Variants in DUSP11 observed in about 807,000 individuals in gnomAD.
The protein encoded by DUSP11 is dual specificity phosphatase 11.
In DUSP11, 27 loss-of-function variants were observed where a neutral mutation model predicts 41.4. The observed-to-expected ratio is 0.65, with a 90% CI of 0.48 to 0.90. DUSP11 has a LOEUF of 0.90. DUSP11 is among the 40% of genes least tolerant of loss of function. DUSP11 has a pLI of 0.00. For synonymous variants in DUSP11, 188 were observed against 159.3 expected, an observed-to-expected ratio of 1.18 and a Z score of -1.35; for missense variants, 465 against 461.1, an observed-to-expected ratio of 1.01 and a Z score of -0.08.
chr2:73,769,546 A>G (rs1388978791), intron 4 of DUSP11, among the ~76,000 whole-genome samples: 1 of 152,218 alleles, frequency 6.6e-6, no homozygotes, highest in Non-Finnish European at 1.5e-5. Flanking sequence ...TCAGACACTA[A>G]CAGCTAAAAC....
At chr2:73,770,646 C>A (rs192637566) in intron 4 of DUSP11, among the ~76,000 whole-genome samples, 4 of 152,248 alleles carry the variant, frequency 2.6e-5, no homozygotes, top group Admixed American at 2.0e-4. Context: ...AAAACATAAG[C>A]CTGGCTGGGT....
intron 4 of DUSP11, among the ~76,000 whole-genome samples, chr2:73,770,656 T>C (rs72814129): frequency 0.062 from 9,400 of 152,278 alleles, 393 homozygotes; most frequent in Middle Eastern, 0.16. Flanking sequence ...CCTGGCTGGG[T>C]TGTTTTTGCT....
intron 4 of DUSP11, among the ~76,000 whole-genome samples, chr2:73,770,710 G>A (rs1367117171): frequency 1.3e-5 from 2 of 152,076 alleles, no homozygotes; most frequent in Admixed American, 1.3e-4. Flanking sequence ...AATTTAGCAT[G>A]GCATTTAGAA....
intron 5 of DUSP11, 110 bp downstream of exon 5, chr2:73,769,155 C>T: frequency 1.2e-6 from 1 of 858,166 alleles, no homozygotes; most frequent in South Asian, 1.7e-5. Context: ...GCAAGACTGC[C>T]TTCTACTTCA....
chr2:73,780,052 A>G (rs770537593), exon 1 of DUSP11: 16 of 1,611,674 alleles, frequency 9.9e-6, no homozygotes, highest in Admixed American at 1.7e-5. Context: ...CCAGGATAAG[A>G]CCCTAAACAG....
At chr2:73,776,413 C>CAAAAAAAA (rs70965758) in intron 2 of DUSP11, among the ~76,000 whole-genome samples, 1 of 99,430 alleles carries the variant, frequency 1.0e-5, no homozygotes, top group Non-Finnish European at 1.9e-5. Flanking sequence ...GACACCATCT[C>CAAAAAAAA]AAAAAAAAAA....
intron 8 of DUSP11, among the ~76,000 whole-genome samples, chr2:73,763,841 A>G (rs927439683): frequency 6.6e-6 from 1 of 152,214 alleles, no homozygotes; most frequent in Non-Finnish European, 1.5e-5. Flanking sequence ...TCTTTTCCCC[A>G]GCATCTTTTT....
intron 4 of DUSP11, among the ~76,000 whole-genome samples, chr2:73,771,297 C>T (rs1672568322): frequency 6.6e-6 from 1 of 152,176 alleles, no homozygotes; most frequent in South Asian, 2.1e-4. Context: ...CTTCTAGTCA[C>T]ACAAGAGGCT....
rs201994650 is a variant in DUSP11 at position 73,767,156 on chromosome 2, C to G, written c.682+5G>C. Reference sequence around the variant, plus strand: ...GGGAAAAATAGTGTCAACCCTCATACTTACATTCAATTGCATCATCTGGCC... The same window carrying G: ...GGGAAAAATAGTGTCAACCCTCATAGTTACATTCAATTGCATCATCTGGCC... On this transcript the variant is annotated splice_donor_5th_base_variant and intron_variant, in intron 6 of 8. Coordinates refer to ENST00000272444, the Ensembl canonical transcript of DUSP11. The G allele has an allele frequency of 1.2e-6, 2 of 1,608,912 alleles. No individual in the cohort carries two copies. Among genetic ancestry groups the G allele is most frequent in the Non-Finnish European group, 1.7e-6 (2 of 1,175,832 alleles).
intron 5 of DUSP11, chr2:73,768,961 A>AT: frequency 5.3e-6 from 1 of 188,862 alleles, no homozygotes; most frequent in East Asian, 1.3e-4. Flanking sequence ...GTCTCAATAA[A>AT]AAAAAAAAAA....
At position 73,780,064 on chromosome 2, in the gene DUSP11, A is replaced by T. The variant is rs775999377; in HGVS notation, c.52T>A (p.Ser18Thr). The change falls in exon 1 of 9, where the codon TCC becomes ACC. Residue 18 changes from serine (S) to threonine (T), a missense_variant. Coordinates refer to ENST00000272444, the Ensembl canonical transcript of DUSP11. ...ATGCCAGGATAAGACCCTAAACAGG[A>T]AAAGACTCGGCAGCCACCTACGCCG... 9.3e-6 allele frequency: 15 copies of T among 1,605,708 alleles called. No individual in the cohort carries two copies. Among genetic ancestry groups the T allele is most frequent in the Non-Finnish European group, 1.1e-5 (13 of 1,175,782 alleles).
chr2:73,763,354 C>T (rs1672396197), intron 8 of DUSP11, among the ~76,000 whole-genome samples: 1 of 152,170 alleles, frequency 6.6e-6, no homozygotes, highest in South Asian at 2.1e-4. Flanking sequence ...ATGGTATATG[C>T]AACAAATTTG....
chr2:73,780,069 A>T, exon 1 of DUSP11: 4 of 1,600,492 alleles, frequency 2.5e-6, no homozygotes, highest in Non-Finnish European at 3.4e-6. Flanking sequence ...ACAGGAAAAG[A>T]CTCGGCAGCC....
intron 4 of DUSP11, among the ~76,000 whole-genome samples, chr2:73,770,756 C>T (rs931906875): frequency 6.6e-6 from 1 of 152,068 alleles, no homozygotes; most frequent in Non-Finnish European, 1.5e-5. Flanking sequence ...TCTTTCCAAC[C>T]GATCTAAGTC....
chr2:73,772,703 C>G (rs1454779769), intron 4 of DUSP11, among the ~76,000 whole-genome samples: 2 of 152,198 alleles, frequency 1.3e-5, no homozygotes, highest in African/African-American at 4.8e-5. Flanking sequence ...CCAAACCTCT[C>G]AAGTTTTAAA....
At position 73,769,329 on chromosome 2, in the gene DUSP11, T is replaced by C. The variant is rs1197514583; in HGVS notation, c.575-4A>G. ...CAGTGGACACCAATAAGTTTATCTA[T>C]AAAAAGAAAATACAGGGTTAAGTAA... On this transcript the variant is annotated splice_region_variant and splice_polypyrimidine_tract_variant and intron_variant, in intron 4 of 8. Transcript: ENST00000272444. 2 of 1,607,696 alleles carry C rather than the reference T, an allele frequency of 1.2e-6. No individual in the cohort carries two copies. Among genetic ancestry groups the C allele is most frequent in the African/African-American group, 1.3e-5 (1 of 74,860 alleles).
At chr2:73,780,035 C>T in exon 1 of DUSP11, 1 of 1,613,796 alleles carries the variant, frequency 6.2e-7, no homozygotes, top group Non-Finnish European at 8.5e-7. Flanking sequence ...GTCCGGCGCC[C>T]TCAATGCCAG....
exon 8 of DUSP11, chr2:73,766,517 G>A: frequency 6.2e-7 from 1 of 1,614,074 alleles, no homozygotes. Context: ...TTGTTTAACA[G>A]GCTTATTGTG....
chr2:73,762,584 C>T (rs1573174295), exon 9 of DUSP11: 5 of 1,157,912 alleles, frequency 4.3e-6, no homozygotes, highest in Non-Finnish European at 6.2e-6. Context: ...CTGATTAGAC[C>T]TGAACTAATT....
Sources: allele counts gnomAD v4.1 joint callset (sites outside exome capture counted in the v4.1 genomes callset), GRCh38; gene constraint gnomAD v4.1.1; transcripts MANE v1.5; gene names NCBI Gene and HGNC (gene_info 2026-07-23, HGNC 2026-07-21).